Variants in EBF1 observed in about 807,000 individuals in gnomAD.
The protein encoded by EBF1 is EBF transcription factor 1, also known as transcription factor COE1.
EBF1 carries 10 observed loss-of-function variants against 68.4 expected under a neutral mutation model. The ratio of observed to expected loss-of-function variants is 0.15; its 90% CI spans 0.09 to 0.25. The LOEUF is 0.25. EBF1 is among the 10% of genes least tolerant of loss of function. EBF1 has a pLI of 1.00. For synonymous variants in EBF1, 298 were observed against 299.8 expected (o/e 0.99, Z 0.06); for missense variants, 509 against 794.4 (o/e 0.64, Z 4.32).
chr5:158,878,652 T>TC (rs1376465189), intron 6 of EBF1, among the ~76,000 whole-genome samples: 27 of 150,912 alleles, frequency 1.8e-4, no homozygotes, highest in African/African-American at 6.6e-4. Flanking sequence ...GCCTTTTTTT[T>TC]TTTTTTCCTG....
chr5:158,832,400 A>T (rs1009152007), intron 7 of EBF1, among the ~76,000 whole-genome samples: 1 of 152,228 alleles, frequency 6.6e-6, no homozygotes, highest in East Asian at 1.9e-4. Flanking sequence ...TGTATTTACC[A>T]TGTTATGTGA....
chr5:159,070,528 G>T (rs1430180895), intron 6 of EBF1, among the ~76,000 whole-genome samples: 1 of 152,132 alleles, frequency 6.6e-6, no homozygotes, highest in East Asian at 1.9e-4. Flanking sequence ...GAAATAGCTT[G>T]CCCTGCACGA....
At chr5:158,794,127 C>G in intron 9 of EBF1, among the ~76,000 whole-genome samples, 1 of 152,070 alleles carries the variant, frequency 6.6e-6, no homozygotes, top group East Asian at 1.9e-4. Flanking sequence ...TAGCTACAAC[C>G]AAGAGCAGCA....
chr5:158,818,319 C>T (rs377211269), intron 8 of EBF1, among the ~76,000 whole-genome samples: 1 of 152,138 alleles, frequency 6.6e-6, no homozygotes, highest in East Asian at 1.9e-4. Flanking sequence ...AAATGAAAAA[C>T]ACATTTAAAT....
chr5:158,751,301 A>C (rs1177743721), intron 10 of EBF1, among the ~76,000 whole-genome samples: 2 of 151,856 alleles, frequency 1.3e-5, no homozygotes, highest in African/African-American at 4.8e-5. Context: ...CGAATGAACA[A>C]CTTAGAATGA....
At chr5:159,083,318 GA>G (rs999957545) in intron 5 of EBF1, among the ~76,000 whole-genome samples, 1 of 152,148 alleles carries the variant, frequency 6.6e-6, no homozygotes, top group African/African-American at 2.4e-5. Context: ...CTTTATTGTA[GA>G]ATTGTTATGT....
Position 158,902,767 on chromosome 5 carries a change from T to C in EBF1, c.555-62657A>G, listed in dbSNP as rs560150403. Among the ~76,000 whole-genome samples, 14 of 152,186 alleles carry C rather than the reference T, an allele frequency of 9.2e-5. No homozygotes were observed. The East Asian group carries it at 2.5e-3, about 27-fold the overall frequency. On this transcript the variant is annotated intron_variant, in intron 6 of 15. Transcript: ENST00000313708. ...CACAGAGCCCAGCCCAAAAGGCTTCTCGTATGGGGACAACAGATTTCAGCA... is the reference window on the plus strand; with the variant it reads ...CACAGAGCCCAGCCCAAAAGGCTTCCCGTATGGGGACAACAGATTTCAGCA...
At chr5:158,810,819 T>C (rs982364896) in intron 8 of EBF1, among the ~76,000 whole-genome samples, 2 of 152,170 alleles carry the variant, frequency 1.3e-5, no homozygotes, top group South Asian at 4.1e-4. Context: ...AGTGTTACTT[T>C]TGTGTTTCGC....
chr5:159,000,527 A>G (rs1286792446), intron 6 of EBF1, among the ~76,000 whole-genome samples: 1 of 152,178 alleles, frequency 6.6e-6, no homozygotes, highest in African/African-American at 2.4e-5. Flanking sequence ...AAACTTGTGT[A>G]TTGCAAACAT....
chr5:158,775,745 AACACACACACAC>A (rs3220206), intron 10 of EBF1, among the ~76,000 whole-genome samples: 2 of 137,638 alleles, frequency 1.5e-5, no homozygotes, highest in Non-Finnish European at 3.1e-5. Flanking sequence ...AGACTTGTAA[AACACACACACAC>A]ACACACACAC....
At chr5:158,855,320 G>A (rs1014868341) in intron 6 of EBF1, among the ~76,000 whole-genome samples, 5 of 152,272 alleles carry the variant, frequency 3.3e-5, no homozygotes, top group African/African-American at 4.8e-5. Flanking sequence ...TGATCCTCAC[G>A]AAAAGTCTTG....
intron 15 of EBF1, among the ~76,000 whole-genome samples, chr5:158,700,342 G>C (rs1052036264): frequency 6.6e-5 from 10 of 152,182 alleles, no homozygotes; most frequent in Non-Finnish European, 7.3e-5. Context: ...TACAAGCAAG[G>C]GGCAGCCGTC....
chr5:158,795,547 A>C (rs977310484), intron 9 of EBF1, among the ~76,000 whole-genome samples: 2 of 152,200 alleles, frequency 1.3e-5, no homozygotes, highest in African/African-American at 4.8e-5. Context: ...TTTTTATTCT[A>C]AACTTTAGTG....
chr5:159,093,841 C>T lies in EBF1; in HGVS notation c.411+1779G>A, dbSNP rs902520962. 5.9e-5 allele frequency among the ~76,000 whole-genome samples: 9 copies of T among 151,898 alleles called. No individual in the cohort carries two copies. The East Asian group carries it at 7.7e-4, about 13-fold the overall frequency. On this transcript the variant is annotated intron_variant, in intron 4 of 15. Coordinates refer to ENST00000313708, the MANE Select transcript of EBF1 (RefSeq NM_024007.5). Reference sequence around the variant, plus strand: ...TCTTACAATTGTTCATTTCATAGTGCTACCTATAATTTAATATTTCATTGG... The same window carrying T: ...TCTTACAATTGTTCATTTCATAGTGTTACCTATAATTTAATATTTCATTGG...
chr5:159,020,505 T>G (rs77551862), intron 6 of EBF1, among the ~76,000 whole-genome samples: 9,211 of 152,200 alleles, frequency 0.061, 497 homozygotes, highest in African/African-American at 0.14. Context: ...CGGACTCCTC[T>G]GCTCTCTTTA....
At chr5:159,049,465 C>T (rs997532748) in intron 6 of EBF1, among the ~76,000 whole-genome samples, 2 of 152,176 alleles carry the variant, frequency 1.3e-5, no homozygotes, top group Non-Finnish European at 2.9e-5. Context: ...CTTGATTAGA[C>T]AAACTCTCAG....
chr5:158,850,467 C>T (rs1792413278), intron 6 of EBF1, among the ~76,000 whole-genome samples: 1 of 152,134 alleles, frequency 6.6e-6, no homozygotes, highest in South Asian at 2.1e-4. Flanking sequence ...AGAAACTTGT[C>T]CTGGCAGAGA....
intron 6 of EBF1, among the ~76,000 whole-genome samples, chr5:159,037,975 C>A (rs1231438048): frequency 6.6e-6 from 1 of 152,136 alleles, no homozygotes; most frequent in Non-Finnish European, 1.5e-5. Context: ...AATACCCATA[C>A]CTAGGTTCGT....
intron 6 of EBF1, among the ~76,000 whole-genome samples, chr5:158,937,086 C>T (rs868826622): frequency 6.7e-6 from 1 of 149,794 alleles, no homozygotes; most frequent in African/African-American, 2.5e-5. Flanking sequence ...TTCATGCTTC[C>T]TCTGCCCTCA....
Sources: allele counts gnomAD v4.1 joint callset (sites outside exome capture counted in the v4.1 genomes callset), GRCh38; gene constraint gnomAD v4.1.1; transcripts MANE v1.5; gene names NCBI Gene and HGNC (gene_info 2026-07-23, HGNC 2026-07-21).